The following TMEM117 variants were observed in gnomAD, a reference collection of about 807,000 sequenced individuals.
TMEM117 encodes transmembrane protein 117.
Under a neutral mutation model 52.4 loss-of-function variants are expected in TMEM117, and 27 were observed. That is an observed-to-expected ratio of 0.51 (90% confidence interval 0.38 to 0.71). The LOEUF (loss-of-function observed/expected upper bound fraction) is 0.71, where lower values mean the gene tolerates loss of function less well. TMEM117 is among the 30% of genes least tolerant of loss of function. The probability of loss-of-function intolerance (pLI) is 0.00; values close to 1 mark genes in which losing one functional copy is unlikely to be tolerated. For missense variants in TMEM117, 556 were observed against 630.5 expected (o/e 0.88, Z 1.26); for synonymous variants, 215 against 206.3 (o/e 1.04, Z -0.36).
chr12:43,983,645 TTATA>T (rs1168448147), intron 3 of TMEM117, among the ~76,000 whole-genome samples: 2 of 148,824 alleles, frequency 1.3e-5, no homozygotes, highest in Non-Finnish European at 3.0e-5. Flanking sequence ...AGGATTTACT[TTATA>T]TATAAGTAAC....
At chr12:44,199,465 GTATATGACCACAATATACTGACCAA>G (rs1340601451) in intron 4 of TMEM117, among the ~76,000 whole-genome samples, 1 of 152,066 alleles carries the variant, frequency 6.6e-6, no homozygotes, top group Non-Finnish European at 1.5e-5. Context: ...ATGTGAACCA[GTATATGACCACAATATACTGACCAA>G]TATATGACCA....
chr12:44,253,454 G>A (rs1275386426), intron 5 of TMEM117, among the ~76,000 whole-genome samples: 1 of 152,102 alleles, frequency 6.6e-6, no homozygotes, highest in Non-Finnish European at 1.5e-5. Context: ...AGCTGAGGTC[G>A]ACAGAGGGTA....
chr12:44,361,787 C>A (rs547736415), intron 6 of TMEM117, among the ~76,000 whole-genome samples: 21 of 151,854 alleles, frequency 1.4e-4, no homozygotes, highest in Non-Finnish European at 2.6e-4. Flanking sequence ...GAGTTACATA[C>A]ACAAAAAAAA....
At chr12:44,252,020 C>T (rs1462959498) in intron 5 of TMEM117, among the ~76,000 whole-genome samples, 1 of 152,210 alleles carries the variant, frequency 6.6e-6, no homozygotes, top group African/African-American at 2.4e-5. Flanking sequence ...GGCTTTACAG[C>T]ATCTAGCTCA....
At chr12:43,987,974 A>T (rs1011626398) in intron 3 of TMEM117, among the ~76,000 whole-genome samples, 3 of 152,250 alleles carry the variant, frequency 2.0e-5, no homozygotes, top group African/African-American at 7.2e-5. Context: ...TAATCATGGC[A>T]AACCACCAGT....
chr12:43,805,740 C>A, the TMEM117 span: 1 of 1,257,410 alleles, frequency 8.0e-7, no homozygotes. Flanking sequence ...TGGGAAGCAC[C>A]CCTACTGATG....
intron 5 of TMEM117, among the ~76,000 whole-genome samples, chr12:44,234,969 G>T (rs867230864): frequency 6.6e-6 from 1 of 151,412 alleles, no homozygotes; most frequent in Non-Finnish European, 1.5e-5. Context: ...TTTATTAACT[G>T]TGTTCAATTC....
intron 3 of TMEM117, among the ~76,000 whole-genome samples, chr12:44,121,864 C>T (rs1018709176): frequency 3.3e-5 from 5 of 152,044 alleles, no homozygotes; most frequent in Admixed American, 2.6e-4. Flanking sequence ...CCTACCCTTA[C>T]CTCAAGTATG....
intron 6 of TMEM117, among the ~76,000 whole-genome samples, chr12:44,302,832 T>C (rs1950857937): frequency 6.6e-6 from 1 of 152,206 alleles, no homozygotes; most frequent in Non-Finnish European, 1.5e-5. Flanking sequence ...TTTGAAAATA[T>C]ATAAGACAAA....
At chr12:43,925,986 A>C (rs1334990565) in intron 2 of TMEM117, among the ~76,000 whole-genome samples, 1 of 152,212 alleles carries the variant, frequency 6.6e-6, no homozygotes, top group Non-Finnish European at 1.5e-5. Context: ...TGCAACACAG[A>C]ACATATTAAA....
rs1197775623 is a variant in TMEM117 at position 44,311,745 on chromosome 12, ATG to A, written c.768+12010_768+12011del. Among the ~76,000 whole-genome samples, 976 of 132,690 alleles carry A rather than the reference ATG, an allele frequency of 7.4e-3. 11 individuals carry two copies. Among genetic ancestry groups the A allele is most frequent in the African/African-American group, 0.015 (472 of 31,252 alleles). 87.0% of individuals were successfully genotyped at this position (132,690 alleles called of 152,430 possible). On this transcript the variant is annotated intron_variant, in intron 6 of 7. Coordinates refer to ENST00000266534, the MANE Select transcript of TMEM117 (RefSeq NM_032256.3). ...TATATATGTATATATATATGTATAT[ATG>A]TGTATATATGTATATATATATGTAT...
chr12:44,245,391 T>C (rs1950116025), intron 5 of TMEM117, among the ~76,000 whole-genome samples: 1 of 152,004 alleles, frequency 6.6e-6, no homozygotes, highest in Non-Finnish European at 1.5e-5. Context: ...TATTTTATAG[T>C]TTTCAACATA....
At chr12:44,269,980 C>T (rs1031262411) in intron 5 of TMEM117, among the ~76,000 whole-genome samples, 55 of 152,166 alleles carry the variant, frequency 3.6e-4, no homozygotes, top group African/African-American at 1.3e-3. Context: ...CTTGGAATAC[C>T]TGTGAAACGA....
chr12:43,932,169 A>G (rs553682092), intron 2 of TMEM117, among the ~76,000 whole-genome samples: 1 of 152,206 alleles, frequency 6.6e-6, no homozygotes, highest in South Asian at 2.1e-4. Flanking sequence ...ACAAAAGCCT[A>G]TGGTGTTTAA....
intron 6 of TMEM117, among the ~76,000 whole-genome samples, chr12:44,353,116 A>T (rs145424609): frequency 6.6e-6 from 1 of 152,068 alleles, no homozygotes; most frequent in African/African-American, 2.4e-5. Flanking sequence ...GTCTGTTCAT[A>T]TCCTTTGCCC....
intron 4 of TMEM117, among the ~76,000 whole-genome samples, chr12:44,174,844 AC>A (rs1592580503): frequency 6.6e-6 from 1 of 152,256 alleles, no homozygotes; most frequent in East Asian, 1.9e-4. Context: ...GTCAAGTAAA[AC>A]CTCTCGAAAA....
chr12:44,269,830 A>G (rs1950425268), intron 5 of TMEM117, among the ~76,000 whole-genome samples: 1 of 152,172 alleles, frequency 6.6e-6, no homozygotes, highest in Admixed American at 6.5e-5. Context: ...AACAAAGCAG[A>G]GAAAATTATT....
intron 5 of TMEM117, among the ~76,000 whole-genome samples, chr12:44,284,988 A>G (rs1172448699): frequency 6.6e-6 from 1 of 152,236 alleles, no homozygotes; most frequent in Non-Finnish European, 1.5e-5. Flanking sequence ...AATAAATACA[A>G]TTATTTCAAT....
chr12:43,938,043 T>C (rs569450407), intron 2 of TMEM117, among the ~76,000 whole-genome samples: 69 of 152,004 alleles, frequency 4.5e-4, no homozygotes, highest in Non-Finnish European at 3.5e-4. Context: ...GAATTCTCTG[T>C]CTGGCTCCCT....
Sources: allele counts gnomAD v4.1 joint callset (sites outside exome capture counted in the v4.1 genomes callset), GRCh38; gene constraint gnomAD v4.1.1; transcripts MANE v1.5; gene names NCBI Gene and HGNC (gene_info 2026-07-23, HGNC 2026-07-21).